Variants in FHIT observed in about 807,000 individuals in gnomAD.
FHIT encodes the protein fragile histidine triad diadenosine triphosphatase, also known as bis(5'-adenosyl)-triphosphatase.
A neutral mutation model predicts 17.9 loss-of-function variants in FHIT; 19 were observed. That is an observed-to-expected ratio of 1.06 (90% CI 0.74 to 1.56). The LOEUF (loss-of-function observed/expected upper bound fraction) is 1.56, where lower values mean the gene tolerates loss of function less well. Ranked by LOEUF, FHIT falls within the 40% of genes most tolerant of loss-of-function variation. FHIT has a pLI of 0.00. For synonymous variants in FHIT, 81 were observed against 69.7 expected (o/e 1.16, Z -0.81); for missense variants, 248 against 189.2 (o/e 1.31, Z -1.82).
chr3:59,942,861 C>A (rs867349292), intron 7 of FHIT, among the ~76,000 whole-genome samples: 5 of 151,960 alleles, frequency 3.3e-5, no homozygotes, highest in African/African-American at 1.2e-4. Flanking sequence ...GTTGTCCAGG[C>A]TGCTCTCAAA....
chr3:60,979,744 C>T (rs895956230), intron 3 of FHIT, among the ~76,000 whole-genome samples: 1 of 152,324 alleles, frequency 6.6e-6, no homozygotes, highest in East Asian at 1.9e-4. Flanking sequence ...ATTGCTGCCC[C>T]TGCCATCACC....
intron 5 of FHIT, among the ~76,000 whole-genome samples, chr3:60,023,999 AAAAG>A (rs1341363549): frequency 5.9e-5 from 9 of 151,640 alleles, no homozygotes; most frequent in African/African-American, 2.2e-4. Context: ...GGTAAAAAAA[AAAAG>A]AATTATGAAT....
intron 4 of FHIT, among the ~76,000 whole-genome samples, chr3:60,645,742 T>C (rs1437909256): frequency 6.6e-6 from 1 of 152,214 alleles, no homozygotes; most frequent in Non-Finnish European, 1.5e-5. Context: ...TATATGTGTG[T>C]ACGTCATATT....
chr3:59,806,049 C>T (rs62238265), intron 8 of FHIT, among the ~76,000 whole-genome samples: 1,575 of 152,032 alleles, frequency 0.01, 8 homozygotes, highest in Non-Finnish European at 0.015. Flanking sequence ...GGTGTGGTGG[C>T]GGGCGCCTGT....
At chr3:60,584,222 T>A (rs947865090) in intron 4 of FHIT, among the ~76,000 whole-genome samples, 1 of 152,128 alleles carries the variant, frequency 6.6e-6, no homozygotes, top group Non-Finnish European at 1.5e-5. Context: ...TAACCTGAAA[T>A]TGGCCATGGT....
intron 5 of FHIT, among the ~76,000 whole-genome samples, chr3:60,179,216 T>C (rs1701815575): frequency 2.0e-5 from 3 of 152,334 alleles, no homozygotes; most frequent in South Asian, 4.1e-4. Flanking sequence ...GGTATCATTA[T>C]TCTCTTTTAT....
intron 5 of FHIT, among the ~76,000 whole-genome samples, chr3:60,455,128 G>A (rs992507082): frequency 2.0e-5 from 3 of 152,072 alleles, no homozygotes; most frequent in Non-Finnish European, 4.4e-5. Context: ...GTGAGGTAGG[G>A]TGAGGGGAGT....
At chr3:60,487,487 T>C (rs1300927629) in intron 5 of FHIT, among the ~76,000 whole-genome samples, 1 of 152,194 alleles carries the variant, frequency 6.6e-6, no homozygotes, top group Non-Finnish European at 1.5e-5. Context: ...CTACGACACC[T>C]GGAAGGCTCA....
chr3:60,022,900 G>A (rs546001705), intron 5 of FHIT, among the ~76,000 whole-genome samples: 34 of 152,110 alleles, frequency 2.2e-4, no homozygotes, highest in Non-Finnish European at 4.3e-4. Flanking sequence ...CTCAGTAACC[G>A]TTATGAAAAT....
At chr3:60,190,289 G>A (rs1296518646) in intron 5 of FHIT, among the ~76,000 whole-genome samples, 1 of 151,582 alleles carries the variant, frequency 6.6e-6, no homozygotes, top group African/African-American at 2.4e-5. Context: ...AGATGGCTGA[G>A]ACAGTTTTCT....
At chr3:60,615,626 A>G (rs1553675585) in intron 4 of FHIT, among the ~76,000 whole-genome samples, 1 of 152,250 alleles carries the variant, frequency 6.6e-6, no homozygotes, top group Admixed American at 6.5e-5. Flanking sequence ...TAATTTATTA[A>G]GCAAATATTT....
chr3:59,953,208 C>T (rs995329020), intron 7 of FHIT, among the ~76,000 whole-genome samples: 2 of 151,840 alleles, frequency 1.3e-5, no homozygotes, highest in African/African-American at 4.8e-5. Flanking sequence ...CTGCATCTGT[C>T]CCTGTCTCTA....
intron 8 of FHIT, among the ~76,000 whole-genome samples, chr3:59,905,956 G>A (rs1220475898): frequency 6.6e-6 from 1 of 152,156 alleles, no homozygotes; most frequent in African/African-American, 2.4e-5. Flanking sequence ...TGTATGGCCT[G>A]TTTTCTGGAA....
intron 5 of FHIT, among the ~76,000 whole-genome samples, chr3:60,451,569 A>G (rs186308360): frequency 3.9e-4 from 60 of 152,316 alleles, no homozygotes; most frequent in Non-Finnish European, 7.5e-4. Context: ...AATCTCAGGT[A>G]AACAAAATTT....
chr3:59,814,764 G>C (rs1043607193), intron 8 of FHIT, among the ~76,000 whole-genome samples: 10 of 152,142 alleles, frequency 6.6e-5, no homozygotes, highest in Non-Finnish European at 1.3e-4. Context: ...TCCCAATATA[G>C]AGGCCCTTTC....
chr3:60,800,093 C>CT (rs1701135440), intron 4 of FHIT, among the ~76,000 whole-genome samples: 2 of 151,582 alleles, frequency 1.3e-5, no homozygotes, highest in Non-Finnish European at 2.9e-5. Context: ...TATCAGGGTC[C>CT]CCCAACTAAT....
intron 3 of FHIT, among the ~76,000 whole-genome samples, chr3:60,832,092 A>G (rs1168230454): frequency 1.3e-5 from 2 of 152,124 alleles, no homozygotes; most frequent in Non-Finnish European, 2.9e-5. Context: ...AATAGGCAGC[A>G]TTTATATAAT....
At chr3:60,289,684 TTTCTA>T (rs1198434771) in intron 5 of FHIT, among the ~76,000 whole-genome samples, 1 of 152,204 alleles carries the variant, frequency 6.6e-6, no homozygotes, top group Non-Finnish European at 1.5e-5. Flanking sequence ...CTTGAAAGTC[TTTCTA>T]TTCTAATTAT....
At chr3:60,602,053 CAGAT>C (rs3037209) in intron 4 of FHIT, among the ~76,000 whole-genome samples, 20,875 of 152,046 alleles carry the variant, frequency 0.14, 1,743 homozygotes, top group Non-Finnish European at 0.19. Flanking sequence ...ATTTGGAAGA[CAGAT>C]AGAGTAAGCC....
Sources: allele counts gnomAD v4.1 joint callset (sites outside exome capture counted in the v4.1 genomes callset), GRCh38; gene constraint gnomAD v4.1.1; transcripts MANE v1.5; gene names NCBI Gene and HGNC (gene_info 2026-07-23, HGNC 2026-07-21).